The following SLC24A2 variants were observed in gnomAD, a reference collection of about 807,000 sequenced individuals.
SLC24A2 encodes the protein solute carrier family 24 member 2.
SLC24A2 carries 36 observed loss-of-function variants against 62.0 expected under a neutral mutation model. The ratio of observed to expected loss-of-function variants is 0.58; its 90% CI spans 0.44 to 0.77. The LOEUF (loss-of-function observed/expected upper bound fraction) is 0.77. SLC24A2 is among the 30% of genes least tolerant of loss of function. The pLI is 0.00. For missense variants in SLC24A2, 846 were observed against 817.9 expected, an observed-to-expected ratio of 1.03 and a Z score of -0.42; for synonymous variants, 358 against 294.0, an observed-to-expected ratio of 1.22 and a Z score of -2.23.
chr9:19,581,550 G>T (rs907205801), intron 5 of SLC24A2, among the ~76,000 whole-genome samples: 5 of 152,148 alleles, frequency 3.3e-5, no homozygotes, highest in African/African-American at 1.2e-4. Flanking sequence ...ATGTTTCAAT[G>T]GCCTCTGATA....
At chr9:20,289,663 C>T in the SLC24A2 span, among the ~76,000 whole-genome samples, 3 of 152,180 alleles carry the variant, frequency 2.0e-5, no homozygotes, top group Non-Finnish European at 2.9e-5. Flanking sequence ...GTGTCTCCAG[C>T]AGCACGGGGC....
rs188346601 is a variant in SLC24A2, at chr9:19,765,824, T to G, written c.930+20113A>C. Among the ~76,000 whole-genome samples, 221 of 152,338 alleles carry G rather than the reference T, an allele frequency of 1.5e-3. 4 individuals are homozygous for G. The highest frequency in any genetic ancestry group is 7.9e-4 in the Non-Finnish European group (54 of 68,030). The stretch of plus-strand genomic sequence containing the variant: ...TCTTTGTGGTGTTCTCAGTATTTCC[T>G]GAATTTGAATGTTGGCCTGCCTTGC... On this transcript the variant is annotated intron_variant, in intron 2 of 10. Transcript: ENST00000341998.
chr9:19,610,904 C>A (rs1297367882), intron 4 of SLC24A2, among the ~76,000 whole-genome samples: 2 of 152,338 alleles, frequency 1.3e-5, no homozygotes, highest in Non-Finnish European at 2.9e-5. Flanking sequence ...TTGTGCCAGA[C>A]ACTAGGGATA....
intron 4 of SLC24A2, among the ~76,000 whole-genome samples, chr9:19,597,987 T>G (rs1192664385): frequency 6.6e-6 from 1 of 152,064 alleles, no homozygotes; most frequent in African/African-American, 2.4e-5. Flanking sequence ...TCCCCCTCTG[T>G]GTACACATCA....
the SLC24A2 span, among the ~76,000 whole-genome samples, chr9:20,155,717 A>G: frequency 1.3e-5 from 2 of 151,944 alleles, no homozygotes; most frequent in African/African-American, 4.8e-5. Context: ...AGCTTCTATT[A>G]ACTCTTTCAG....
At chr9:19,982,616 A>T in the SLC24A2 span, among the ~76,000 whole-genome samples, 1 of 152,204 alleles carries the variant, frequency 6.6e-6, no homozygotes, top group Non-Finnish European at 1.5e-5. Flanking sequence ...TTAAGGAAAA[A>T]TTAATACCAA....
At chr9:19,925,658 G>A in the SLC24A2 span, among the ~76,000 whole-genome samples, 1 of 152,156 alleles carries the variant, frequency 6.6e-6, no homozygotes, top group African/African-American at 2.4e-5. Context: ...ATTTTTCACA[G>A]GAAAGCTAAT....
At chr9:19,667,882 C>T (rs1038431909) in intron 2 of SLC24A2, among the ~76,000 whole-genome samples, 8 of 152,164 alleles carry the variant, frequency 5.3e-5, no homozygotes, top group Non-Finnish European at 1.2e-4. Flanking sequence ...TTCTTAAACC[C>T]GCTGCTAGTT....
chr9:20,032,260 A>G, the SLC24A2 span, among the ~76,000 whole-genome samples: 1 of 152,190 alleles, frequency 6.6e-6, no homozygotes, highest in African/African-American at 2.4e-5. Flanking sequence ...TCTCTGTTAC[A>G]ATGATTGCAC....
the SLC24A2 span, among the ~76,000 whole-genome samples, chr9:19,873,458 TTTC>T: frequency 1.3e-5 from 2 of 151,062 alleles, no homozygotes; most frequent in Non-Finnish European, 3.0e-5. Context: ...TCTTTCTTTC[TTTC>T]TTTTTCTTTC....
At chr9:20,042,958 C>G in the SLC24A2 span, among the ~76,000 whole-genome samples, 1 of 152,162 alleles carries the variant, frequency 6.6e-6, no homozygotes, top group African/African-American at 2.4e-5. Context: ...GCTCCAATGA[C>G]TGGCTTTTCC....
chr9:20,268,369 A>T, the SLC24A2 span, among the ~76,000 whole-genome samples: 1 of 152,078 alleles, frequency 6.6e-6, no homozygotes, highest in African/African-American at 2.4e-5. Flanking sequence ...GTATTGGGAG[A>T]TGGGGCCTTT....
chr9:20,237,486 CT>C, the SLC24A2 span, among the ~76,000 whole-genome samples: 1 of 152,100 alleles, frequency 6.6e-6, no homozygotes. Flanking sequence ...AAAGCTGTTC[CT>C]AGGGATTGCT....
chr9:19,680,108 G>T (rs952850594), intron 2 of SLC24A2, among the ~76,000 whole-genome samples: 6 of 148,118 alleles, frequency 4.1e-5, no homozygotes, highest in Non-Finnish European at 7.5e-5. Context: ...CCAGCACTGG[G>T]GCTACAAAGA....
chr9:20,150,191 C>A, the SLC24A2 span, among the ~76,000 whole-genome samples: 1 of 151,946 alleles, frequency 6.6e-6, no homozygotes, highest in Non-Finnish European at 1.5e-5. Context: ...TTGTGTTAAA[C>A]CACTGAAATT....
chr9:20,027,233 A>T, the SLC24A2 span, among the ~76,000 whole-genome samples: 3 of 151,878 alleles, frequency 2.0e-5, no homozygotes, highest in African/African-American at 7.3e-5. Flanking sequence ...ATTATGGAAA[A>T]CAGTAGGGAA....
intron 2 of SLC24A2, among the ~76,000 whole-genome samples, chr9:19,772,423 A>G (rs554193208): frequency 5.1e-4 from 77 of 152,338 alleles, no homozygotes; most frequent in African/African-American, 9.1e-4. Flanking sequence ...TCTATGGAGC[A>G]CATTTCTTAA....
At chr9:19,586,415 G>A (rs529752052) in intron 5 of SLC24A2, among the ~76,000 whole-genome samples, 9 of 152,228 alleles carry the variant, frequency 5.9e-5, no homozygotes, top group East Asian at 5.8e-4. Flanking sequence ...CAGATTTTTC[G>A]CTATATGAAA....
At chr9:20,099,153 T>C in the SLC24A2 span, among the ~76,000 whole-genome samples, 1 of 152,174 alleles carries the variant, frequency 6.6e-6, no homozygotes, top group South Asian at 2.1e-4. Context: ...ATGGCATAGG[T>C]TTCCCAAGGG....
Sources: allele counts gnomAD v4.1 joint callset (sites outside exome capture counted in the v4.1 genomes callset), GRCh38; gene constraint gnomAD v4.1.1; transcripts MANE v1.5; gene names NCBI Gene and HGNC (gene_info 2026-07-23, HGNC 2026-07-21).